PRKAR1B: variants seen among roughly 807,000 people sequenced by gnomAD.
The protein encoded by PRKAR1B is cAMP-dependent protein kinase type I-beta regulatory subunit.
Under a neutral mutation model 46.5 loss-of-function variants are expected in PRKAR1B, and 22 were observed. The observed-to-expected ratio is 0.47, with a 90% CI of 0.34 to 0.68. The LOEUF is 0.68. Ranked by LOEUF, PRKAR1B falls within the 30% of genes least tolerant of loss-of-function variation. The pLI is 0.01. For synonymous variants in PRKAR1B, 259 were observed against 217.7 expected, an observed-to-expected ratio of 1.19 and a Z score of -1.67; for missense variants, 445 against 535.6, an observed-to-expected ratio of 0.83 and a Z score of 1.67.
chr7:575,973 G>A (rs1226708475), intron 9 of PRKAR1B, among the ~76,000 whole-genome samples: 1 of 152,050 alleles, frequency 6.6e-6, no homozygotes, highest in African/African-American at 2.4e-5. Flanking sequence ...CTGCTCATGG[G>A]CAAATGTGCA....
chr7:688,825 T>C (rs1449250468), intron 2 of PRKAR1B, among the ~76,000 whole-genome samples: 1 of 152,244 alleles, frequency 6.6e-6, no homozygotes, highest in Non-Finnish European at 1.5e-5. Flanking sequence ...CCATGGTTAT[T>C]GTCTGTCTCC....
chr7:600,924 A>T (rs1454288526), intron 6 of PRKAR1B, among the ~76,000 whole-genome samples: 1 of 152,246 alleles, frequency 6.6e-6, no homozygotes, highest in Non-Finnish European at 1.5e-5. Context: ...GCTCTTGGCA[A>T]CACACGGACG....
chr7:636,422 ACGTCCTC>A (rs1264392784), intron 4 of PRKAR1B, among the ~76,000 whole-genome samples: 9 of 75,374 alleles, frequency 1.2e-4, no homozygotes, highest in African/African-American at 3.6e-4. Flanking sequence ...CCGCGCCCAC[ACGTCCTC>A]CACCGGCCGC....
intron 1 of PRKAR1B, 47 bp downstream of exon 1, chr7:727,139 AGCTGCGCCTGGCGCTTGTGCAGCT>A (rs1196556413): frequency 1.6e-6 from 2 of 1,232,626 alleles, no homozygotes; most frequent in African/African-American, 3.2e-5. Flanking sequence ...GCCTGTGAGG[AGCTGCGCCTGGCGCTTGTGCAGCT>A]GCTGGGCCTG....
intron 9 of PRKAR1B, among the ~76,000 whole-genome samples, chr7:578,262 C>T (rs962399738): frequency 6.6e-6 from 1 of 151,744 alleles, no homozygotes; most frequent in Non-Finnish European, 1.5e-5. Context: ...CCTGCCGTGT[C>T]CTCAGGACAG....
intron 4 of PRKAR1B, among the ~76,000 whole-genome samples, chr7:636,254 ACGTCCTCCACCG>A (rs1784067669): frequency 1.5e-4 from 1 of 6,870 alleles, no homozygotes. Flanking sequence ...CCGCGCCCTC[ACGTCCTCCACCG>A]GCCGCGCCCT....
intron 2 of PRKAR1B, among the ~76,000 whole-genome samples, chr7:692,015 G>A (rs1332899228): frequency 6.6e-6 from 1 of 152,138 alleles, no homozygotes; most frequent in Non-Finnish European, 1.5e-5. Context: ...CCTTCTAATC[G>A]ACCTCAGGTA....
chr7:698,852 C>T (rs998510349), intron 2 of PRKAR1B, among the ~76,000 whole-genome samples: 1 of 152,178 alleles, frequency 6.6e-6, no homozygotes. Context: ...CTCACACACA[C>T]TTGCACTCAC....
chr7:636,485 G>A (rs1158904082), intron 4 of PRKAR1B, among the ~76,000 whole-genome samples: 1 of 151,996 alleles, frequency 6.6e-6, no homozygotes, highest in Non-Finnish European at 1.5e-5. Context: ...CCCACCGGAT[G>A]CTGGGGCTCC....
chr7:607,066 T>C (rs1002305384), intron 5 of PRKAR1B, among the ~76,000 whole-genome samples: 1 of 151,676 alleles, frequency 6.6e-6, no homozygotes. Context: ...TGCAATGGCG[T>C]GATCTCAGCC....
chr7:576,768 C>T (rs28480233), intron 9 of PRKAR1B, among the ~76,000 whole-genome samples: 49 of 151,988 alleles, frequency 3.2e-4, no homozygotes, highest in African/African-American at 1.0e-3. Flanking sequence ...ATGGTAGAGC[C>T]GCAGTGGGAA....
intron 4 of PRKAR1B, among the ~76,000 whole-genome samples, chr7:642,569 C>CA (rs1784441009): frequency 6.6e-6 from 1 of 151,600 alleles, no homozygotes; most frequent in Admixed American, 6.6e-5. Context: ...ACTAAAAATA[C>CA]AAAAAATTAG....
chr7:647,821 A>AC (rs1784697139), intron 4 of PRKAR1B, among the ~76,000 whole-genome samples: 1 of 151,208 alleles, frequency 6.6e-6, no homozygotes, highest in African/African-American at 2.4e-5. Flanking sequence ...AAAAAAAAAA[A>AC]AAAAAAAAAA....
intron 5 of PRKAR1B, among the ~76,000 whole-genome samples, chr7:606,580 G>A (rs1782072081): frequency 6.6e-6 from 1 of 151,916 alleles, no homozygotes; most frequent in Non-Finnish European, 1.5e-5. Context: ...GGAGTACCTG[G>A]GATTACAGGC....
intron 4 of PRKAR1B, among the ~76,000 whole-genome samples, chr7:632,846 C>T (rs1160782008): frequency 2.4e-5 from 2 of 82,234 alleles, no homozygotes; most frequent in African/African-American, 8.1e-5. Flanking sequence ...GGGCTGTGTG[C>T]CCAGCCACAG....
intron 2 of PRKAR1B, among the ~76,000 whole-genome samples, chr7:702,256 C>T (rs145436202): frequency 2.3e-4 from 34 of 148,576 alleles, no homozygotes; most frequent in African/African-American, 7.7e-4. Context: ...ACAGTAAGTA[C>T]TAAAAAATAA....
intron 8 of PRKAR1B, among the ~76,000 whole-genome samples, chr7:581,418 T>C (rs2128444180): frequency 6.6e-6 from 1 of 152,104 alleles, no homozygotes; most frequent in South Asian, 2.1e-4. Context: ...AATTAAATGA[T>C]GCAGGTGATT....
chr7:723,429 C>T (rs1043898667), intron 1 of PRKAR1B, among the ~76,000 whole-genome samples: 1 of 152,164 alleles, frequency 6.6e-6, no homozygotes, highest in Non-Finnish European at 1.5e-5. Context: ...AAAAAGAAAA[C>T]CCAGGGGACC....
chr7:668,725 A>C (rs1786066361), intron 4 of PRKAR1B, among the ~76,000 whole-genome samples: 1 of 152,212 alleles, frequency 6.6e-6, no homozygotes, highest in Non-Finnish European at 1.5e-5. Flanking sequence ...GGGATGGCCC[A>C]GAGATATCAT....
Sources: allele counts gnomAD v4.1 joint callset (sites outside exome capture counted in the v4.1 genomes callset), GRCh38; gene constraint gnomAD v4.1.1; transcripts MANE v1.5; gene names NCBI Gene and HGNC (gene_info 2026-07-23, HGNC 2026-07-21).